RBM26: variants seen among roughly 807,000 people sequenced by gnomAD.
The protein encoded by RBM26 is RNA binding motif protein 26.
A neutral mutation model predicts 123.6 loss-of-function variants in RBM26; 30 were observed. The ratio of observed to expected loss-of-function variants is 0.24; its 90% CI spans 0.18 to 0.33. The LOEUF (loss-of-function observed/expected upper bound fraction) is 0.33, where lower values mean the gene tolerates loss of function less well. Ranked by LOEUF, RBM26 falls within the 10% of genes least tolerant of loss-of-function variation. The pLI is 1.00. For synonymous variants in RBM26, 400 were observed against 404.4 expected, an observed-to-expected ratio of 0.99 and a Z score of 0.13; for missense variants, 947 against 1,203.6, an observed-to-expected ratio of 0.79 and a Z score of 3.15.
intron 15 of RBM26, 21 bp from the exon 16 acceptor site, chr13:79,344,343 T>C: frequency 6.6e-7 from 1 of 1,515,530 alleles, no homozygotes; most frequent in Non-Finnish European, 9.2e-7. Context: ...GGATCAAAAA[T>C]ATCATTAGAA....
At chr13:79,317,067 G>C (rs965949915), downstream of RBM26, among the ~76,000 whole-genome samples, 4 of 151,684 alleles carry the variant, frequency 2.6e-5, no homozygotes, top group African/African-American at 9.7e-5. Flanking sequence ...TGCATTACTA[G>C]CAAGTACTTC....
intron 3 of RBM26, among the ~76,000 whole-genome samples, chr13:79,374,391 AGAG>A (rs1235405764): frequency 4.6e-5 from 7 of 151,984 alleles, no homozygotes; most frequent in East Asian, 1.9e-4. Flanking sequence ...GGAGGCTGAG[AGAG>A]GAGAATTGCT....
chr13:79,319,725 T>C lies in RBM26; in HGVS notation c.*896A>G. The stretch of plus-strand genomic sequence containing the variant: ...AAATTTTAAGACATTTGTTGAAAAT[T>C]TATAGGATCAAACCAAACTCAAGTG... On this transcript the variant is annotated 3_prime_UTR_variant, in exon 22 of 22. Coordinates refer to ENST00000438737, the MANE Select transcript of RBM26 (RefSeq NM_001366735.2). 6.1e-6 allele frequency: 6 copies of C among 983,798 alleles called. No individual in the cohort carries two copies. Among genetic ancestry groups the C allele is most frequent in the Non-Finnish European group, 7.2e-6 (6 of 828,740 alleles). The allele number at this position is 983,798 out of a possible 1,614,324, so 60.9% of individuals were successfully genotyped here.
In RBM26 at chr13:79,377,380, T is replaced by A; in HGVS notation, c.326A>T (p.Glu109Val). ...PHQEKDIKKEEITKEEEREKK... is the reference protein window; with the variant it reads ...PHQEKDIKKEVITKEEEREKK... ...TAAGGTATTAACACAAATCGTTACC[T>A]CTTCCTTCTTTATATCTTTTTCTTG... Residue 109 changes from glutamate (E) to valine (V), a missense_variant and splice_region_variant, in exon 3 of 22, where the codon GAG (glutamate) becomes GTG (valine). Physicochemically the swap from Glu to Val is moderately radical, Grantham distance 121. Transcript: ENST00000438737. 1 of 1,613,204 alleles carries A rather than the reference T, an allele frequency of 6.2e-7. No homozygotes were observed. The highest frequency in any genetic ancestry group is 1.7e-5 in the Admixed American group (1 of 59,990).
chr13:79,320,560 T>C lies in RBM26; in HGVS notation c.*61A>G, dbSNP rs893559856. The C allele has an allele frequency of 1.4e-6, 2 of 1,411,500 alleles. No homozygotes were observed. Among genetic ancestry groups the C allele is most frequent in the Admixed American group, 2.7e-5 (1 of 36,760 alleles). 87.4% of individuals were successfully genotyped at this position (1,411,500 alleles called of 1,614,324 possible). On this transcript the variant is annotated 3_prime_UTR_variant, in exon 22 of 22. Coordinates refer to ENST00000438737, the MANE Select transcript of RBM26 (RefSeq NM_001366735.2). ...TTTTTACAAATATGTAAAAGTACAT[T>C]AGATAATACTAATGAAACACAGGTA...
chr13:79,363,837 AAGC>A (rs2139806893), intron 9 of RBM26, among the ~76,000 whole-genome samples: 1 of 152,292 alleles, frequency 6.6e-6, no homozygotes, highest in African/African-American at 2.4e-5. Context: ...TACAGCTCCA[AAGC>A]AGCAAGGTAG....
At chr13:79,397,456 A>C (rs1054076247) in intron 1 of RBM26, among the ~76,000 whole-genome samples, 1 of 151,886 alleles carries the variant, frequency 6.6e-6, no homozygotes, top group Non-Finnish European at 1.5e-5. Context: ...CAGGCGGATC[A>C]TGAGGTCAGG....
intron 1 of RBM26, among the ~76,000 whole-genome samples, chr13:79,392,621 T>C (rs886863076): frequency 6.8e-6 from 1 of 147,456 alleles, no homozygotes; most frequent in Admixed American, 6.8e-5. Flanking sequence ...ATAGGAAAAA[T>C]TTTTCAACCT....
rs904251100 is a variant in RBM26, at chr13:79,359,559, T to C, written c.1529+16A>G. On this transcript the variant is annotated intron_variant, in intron 10 of 21. Coordinates refer to ENST00000438737, the MANE Select transcript of RBM26 (RefSeq NM_001366735.2). ...CAATGCACAATTATACTCCTCAATTTTCCTGGCCACCTTACTTATCAAACC... is the reference window on the plus strand; with the variant it reads ...CAATGCACAATTATACTCCTCAATTCTCCTGGCCACCTTACTTATCAAACC... 3.3e-6 allele frequency: 4 copies of C among 1,226,994 alleles called. No individual in the cohort carries two copies. In the African/African-American group the frequency reaches 6.1e-5, roughly 19 times the overall value. The allele number at this position is 1,226,994 out of a possible 1,614,324, so 76.0% of individuals were successfully genotyped here. A position where few individuals can be genotyped will look rare whatever the true frequency, so the allele number is the denominator to read the frequency against.
intron 6 of RBM26, 68 bp from the exon 7 acceptor site, chr13:79,366,940 CA>C: frequency 2.3e-6 from 3 of 1,302,146 alleles, no homozygotes; most frequent in Non-Finnish European, 3.1e-6. Flanking sequence ...TCTAAGTTAG[CA>C]AAAGTAAAAT....
chr13:79,312,344 T>C (rs189253067), exon 5 of RBM26: 26 of 152,172 alleles, frequency 1.7e-4, no homozygotes, highest in African/African-American at 6.0e-4. Flanking sequence ...CAGGCATCCA[T>C]GAATGCTTTG....
At chr13:79,368,464 T>TA (rs1455008242) in intron 6 of RBM26, among the ~76,000 whole-genome samples, 1 of 152,234 alleles carries the variant, frequency 6.6e-6, no homozygotes, top group African/African-American at 2.4e-5. Context: ...GATTCCCTGA[T>TA]AAAAACTCAG....
At chr13:79,371,766 G>C (rs1356339054) in intron 4 of RBM26, 76 bp downstream of exon 4, 13 of 1,058,088 alleles carry the variant, frequency 1.2e-5, no homozygotes, top group Non-Finnish European at 1.5e-6. Context: ...CTGCGTAAAA[G>C]ATAACCCAAG....
intron 9 of RBM26, among the ~76,000 whole-genome samples, chr13:79,364,036 G>T (rs567460695): frequency 2.0e-5 from 3 of 152,062 alleles, no homozygotes; most frequent in Non-Finnish European, 4.4e-5. Flanking sequence ...TCAGGATATA[G>T]GTAAACATCA....
Position 79,405,756 on chromosome 13 carries a change from T to G in RBM26, c.19A>C (p.Ile7Leu). MVSKMI[I>L]ENFEALKSWL... ...GACTTGAGTGCCTCGAAGTTTTCAA[T>G]GATCATTTTAGAAACCATCCACAGC... is the stretch of plus-strand genomic sequence containing the variant. Residue 7 changes from isoleucine (I) to leucine (L), a missense_variant, in exon 1 of 22, where the codon ATT becomes CTT. Physicochemically the swap from Ile to Leu is conservative, Grantham distance 5. This residue lies in a region of RBM26 where 275 missense variants were observed against 361.0 expected (regional missense o/e 0.76). Transcript: ENST00000438737. The G allele has an allele frequency of 6.3e-7, 1 of 1,597,774 alleles. No homozygotes were observed. The highest frequency in any genetic ancestry group is 8.5e-7 in the Non-Finnish European group (1 of 1,171,658).
chr13:79,314,829 T>C (rs982518717), downstream of RBM26: 8 of 419,870 alleles, frequency 1.9e-5, no homozygotes, highest in African/African-American at 1.3e-4. Context: ...TAGAGAACTG[T>C]AGAGATAAAA....
chr13:79,348,860 A>G (rs2072748801), intron 14 of RBM26, among the ~76,000 whole-genome samples: 1 of 152,198 alleles, frequency 6.6e-6, no homozygotes, highest in African/African-American at 2.4e-5. Context: ...TCGTTTTTAA[A>G]TTTCAAGAAC....
chr13:79,342,515 C>CTTTT (rs1290067858), intron 17 of RBM26, 149 bp downstream of exon 17: 65 of 599,650 alleles, frequency 1.1e-4, no homozygotes, highest in Non-Finnish European at 1.8e-4. Context: ...CTTGTTTGTA[C>CTTTT]TTTTTTATTT....
rs2079494380 is a variant in RBM26 at position 79,405,930 on chromosome 13, G to A, written c.-156C>T. On this transcript the variant is annotated 5_prime_UTR_variant, in exon 1 of 22. Coordinates refer to ENST00000438737, the MANE Select transcript of RBM26 (RefSeq NM_001366735.2). The stretch of plus-strand genomic sequence containing the variant: ...TCCCGCGGGCCCCGGTCGGCGAACA[G>A]CTCTGCAAGGACCGCCGCAGGCCAC... 5.6e-6 allele frequency: 2 copies of A among 354,198 alleles called. No individual in the cohort carries two copies. Among genetic ancestry groups the A allele is most frequent in the Non-Finnish European group, 5.0e-6 (1 of 201,082 alleles). 21.9% of individuals were successfully genotyped at this position (354,198 alleles called of 1,614,324 possible).
Sources: gnomAD v4.1 joint callset for allele counts (sites outside exome capture counted in the v4.1 genomes callset) on GRCh38, gnomAD v4.1.1 for gene constraint, gnomAD v4.1.1 regional missense constraint, MANE v1.5 for transcripts, NCBI Gene and HGNC (gene_info 2026-07-23, HGNC 2026-07-21) for gene names.